Variants in GPR137B observed in about 807,000 individuals in gnomAD.
GPR137B encodes the protein integral membrane protein GPR137B.
A neutral mutation model predicts 42.5 loss-of-function variants in GPR137B; 42 were observed. The observed-to-expected ratio is 0.99, with a 90% CI of 0.77 to 1.28. The LOEUF is 1.28. Among genes scored for constraint, GPR137B ranks in the 50% most tolerant of loss-of-function variants. The pLI, the probability that GPR137B is intolerant of heterozygous loss-of-function variation, is 0.00. For synonymous variants in GPR137B, 218 were observed against 209.7 expected (o/e 1.04, Z -0.34); for missense variants, 487 against 493.9 (o/e 0.99, Z 0.13).
At chr1:236,186,406 T>C (rs1216754210) in intron 5 of GPR137B, among the ~76,000 whole-genome samples, 3 of 140,712 alleles carry the variant, frequency 2.1e-5, no homozygotes, top group Non-Finnish European at 4.5e-5. Context: ...GTTACATGGG[T>C]ATACATGAGC....
intron 5 of GPR137B, among the ~76,000 whole-genome samples, chr1:236,192,900 GTTTGTTTA>G (rs1663234809): frequency 8.1e-6 from 1 of 124,056 alleles, no homozygotes; most frequent in South Asian, 2.5e-4. Flanking sequence ...TTTTTTGTTT[GTTTGTTTA>G]TTTGGATACA....
Position 236,171,008 on chromosome 1 carries a change from A to G in GPR137B, c.464+2253A>G, listed in dbSNP as rs1030288061. The stretch of plus-strand genomic sequence containing the variant: ...AAAAAAAGGAAAAAGATATTTTTGT[A>G]TACATAATGAGAGATGGGGGGATTG... On this transcript the variant is annotated intron_variant, in intron 2 of 6. Transcript: ENST00000366592. This position sits in a 1 kb window ranked among gnomAD's most constrained non-coding sequence, Gnocchi z 4.4. 1.6e-4 allele frequency among the ~76,000 whole-genome samples: 24 copies of G among 151,218 alleles called. No individual in the cohort carries two copies. Among genetic ancestry groups the G allele is most frequent in the Non-Finnish European group, 2.9e-4 (20 of 67,892 alleles).
intron 1 of GPR137B, among the ~76,000 whole-genome samples, chr1:236,161,541 G>A (rs534805980): frequency 1.9e-4 from 21 of 109,800 alleles, no homozygotes; most frequent in African/African-American, 8.0e-4. Flanking sequence ...ATCTCCACAC[G>A]CTTTTCACAC....
chr1:236,165,158 G>A (rs1558483320), intron 1 of GPR137B, among the ~76,000 whole-genome samples: 3 of 152,212 alleles, frequency 2.0e-5, no homozygotes, highest in Non-Finnish European at 4.4e-5. Context: ...GCCTGCCTCA[G>A]CCTCTGAAAG....
chr1:236,169,216 A>AGGTGCAGGTGCAGGTGCAGGTG (rs1208254310), intron 2 of GPR137B, among the ~76,000 whole-genome samples: 200 of 131,484 alleles, frequency 1.5e-3, no homozygotes, highest in African/African-American at 6.3e-3. Context: ...AGGTGCAGGT[A>AGGTGCAGGTGCAGGTGCAGGTG]CAGGTACAGG....
intron 3 of GPR137B, 91 bp downstream of exon 3, chr1:236,178,727 A>C: frequency 1.5e-6 from 1 of 666,698 alleles, no homozygotes; most frequent in South Asian, 1.7e-5. Context: ...TGAATTTTAG[A>C]CTTGATTTTG....
chr1:236,179,982 A>G lies in GPR137B; in HGVS notation c.791A>G (p.Lys264Arg), dbSNP rs139452644. The G allele has an allele frequency of 1.7e-4, 272 of 1,613,782 alleles. No homozygotes were observed. The African/African-American group carries it at 3.4e-3, about 20-fold the overall frequency. ...TTCATCCTGTCATTTTCTCAGAACA[A>G]GAGCGTCCATTCCTTTGATTATGAC... ...NLFILSFSQN[K>R]SVHSFDYDWY... is the part of the protein sequence containing the mutation. The change falls in exon 4 of 7, where the codon AAG becomes AGG. Residue 264 changes from lysine (K) to arginine (R), a missense_variant. Transcript: ENST00000366592.
At position 236,164,886 on chromosome 1, in the gene GPR137B, A is replaced by AG. The variant is rs1662304540; in HGVS notation, c.415-3820_415-3819insG. Among the ~76,000 whole-genome samples the AG allele has an allele frequency of 3.5e-5, 5 of 143,976 alleles. No homozygotes were observed. In the South Asian group the frequency reaches 9.4e-4, roughly 27 times the overall value. 94.5% of individuals were successfully genotyped at this position (143,976 alleles called of 152,430 possible). On this transcript the variant is annotated intron_variant, in intron 1 of 6. Coordinates refer to ENST00000366592, the MANE Select transcript of GPR137B (RefSeq NM_003272.4). The stretch of plus-strand genomic sequence containing the variant: ...GCTTGAATAGTGCCCAGATGAATTC[A>AG]AGAGAGAGAGAGAGAGAGAGAGAGA...
At chr1:236,181,986 G>A (rs756717750) in intron 4 of GPR137B, among the ~76,000 whole-genome samples, 4 of 146,510 alleles carry the variant, frequency 2.7e-5, no homozygotes, top group Non-Finnish European at 5.9e-5. Flanking sequence ...TCCGCCTCCC[G>A]GGTTCAAGCG....
rs543355011 is a variant in GPR137B at position 236,156,569 on chromosome 1, T to A, written c.415-12137T>A. 4.6e-5 allele frequency among the ~76,000 whole-genome samples: 7 copies of A among 152,300 alleles called. No homozygotes were observed. The highest frequency in any genetic ancestry group is 1.3e-4 in the Admixed American group (2 of 15,292). ...ATAGAGGCCCCGCCCTTGCTCGCAC[T>A]GTCTTGGAGACTGAGCCTCAAATGC... is the stretch of plus-strand genomic sequence containing the variant. On this transcript the variant is annotated intron_variant, in intron 1 of 6. Transcript: ENST00000366592. This position sits in a 1 kb window ranked among gnomAD's most constrained non-coding sequence, Gnocchi z 4.8.
chr1:236,166,644 A>G (rs1662367544), intron 1 of GPR137B, among the ~76,000 whole-genome samples: 1 of 151,844 alleles, frequency 6.6e-6, no homozygotes, highest in Non-Finnish European at 1.5e-5. Context: ...AGCCTCACCT[A>G]TGAAGCTCGG....
intron 1 of GPR137B, among the ~76,000 whole-genome samples, chr1:236,144,191 G>T: frequency 6.6e-6 from 1 of 152,066 alleles, no homozygotes; most frequent in South Asian, 2.1e-4. Flanking sequence ...GAGGCGGGAG[G>T]ATCGCTTGTG....
intron 5 of GPR137B, among the ~76,000 whole-genome samples, chr1:236,188,648 C>G (rs767728736): frequency 3.9e-5 from 6 of 152,186 alleles, no homozygotes; most frequent in Non-Finnish European, 8.8e-5. Flanking sequence ...TCGAACCAGC[C>G]TTCTATCCCA....
chr1:236,162,516 C>A (rs985707362), intron 1 of GPR137B, among the ~76,000 whole-genome samples: 1 of 152,228 alleles, frequency 6.6e-6, no homozygotes, highest in Non-Finnish European at 1.5e-5. Flanking sequence ...ATGTCAGAGA[C>A]CTTCATGGCA....
chr1:236,180,342 G>A (rs1176057314), intron 4 of GPR137B, among the ~76,000 whole-genome samples: 1 of 151,862 alleles, frequency 6.6e-6, no homozygotes, highest in Non-Finnish European at 1.5e-5. Context: ...GGTTGAGTCT[G>A]CAGATGTGGA....
chr1:236,145,721 C>T (rs1014328455), intron 1 of GPR137B, among the ~76,000 whole-genome samples: 19 of 151,966 alleles, frequency 1.3e-4, no homozygotes, highest in South Asian at 2.1e-4. Flanking sequence ...AAGAAAGTAC[C>T]GGTATTGTCC....
At chr1:236,175,502 G>T (rs1379641809) in intron 2 of GPR137B, among the ~76,000 whole-genome samples, 2 of 152,198 alleles carry the variant, frequency 1.3e-5, no homozygotes, top group African/African-American at 4.8e-5. Context: ...GTGTGTACAC[G>T]CGGGTTCTGG....
rs1386866373 is a variant in GPR137B at position 236,150,239 on chromosome 1, G to A, written c.414+7203G>A. Among the ~76,000 whole-genome samples the A allele has an allele frequency of 6.7e-6, 1 of 150,176 alleles. No individual in the cohort carries two copies. The highest frequency in any genetic ancestry group is 1.5e-5 in the Non-Finnish European group (1 of 67,518). On this transcript the variant is annotated intron_variant, in intron 1 of 6. Coordinates refer to ENST00000366592, the MANE Select transcript of GPR137B (RefSeq NM_003272.4). The surrounding 1 kb of genome is among the most constrained non-coding windows in gnomAD (Gnocchi z 6.2). The stretch of plus-strand genomic sequence containing the variant: ...TGCCTGTGTGTGCCTGTGTATGTCT[G>A]TGCCCGTGTGTGTGCCTGTGTTTGT...
At chr1:236,187,487 C>T (rs1488913202) in intron 5 of GPR137B, among the ~76,000 whole-genome samples, 2 of 151,948 alleles carry the variant, frequency 1.3e-5, no homozygotes, top group Admixed American at 6.6e-5. Context: ...GTCTTTAATC[C>T]ATCTTGAGTT....
Sources: gnomAD v4.1 joint callset for allele counts (sites outside exome capture counted in the v4.1 genomes callset) on GRCh38, gnomAD v4.1.1 for gene constraint, Gnocchi (gnomAD v3.1) non-coding constraint, MANE v1.5 for transcripts, NCBI Gene and HGNC (gene_info 2026-07-23, HGNC 2026-07-21) for gene names.